The following DERL1 variants were observed in gnomAD, a reference collection of about 807,000 sequenced individuals.
DERL1 encodes the protein derlin 1.
Under a neutral mutation model 41.6 loss-of-function variants are expected in DERL1, and 24 were observed. The ratio of observed to expected loss-of-function variants is 0.58; its 90% CI spans 0.42 to 0.81. The LOEUF is 0.81. Among genes scored for constraint, DERL1 ranks in the 30% least tolerant of loss-of-function variants. The pLI is 0.00. For synonymous variants in DERL1, 124 were observed against 112.5 expected (o/e 1.10, Z -0.65); for missense variants, 260 against 314.3 (o/e 0.83, Z 1.31).
In DERL1 at chr8:123,019,375, A is replaced by T. The variant is rs538676842; in HGVS notation, c.507-70T>A. On this transcript the variant is annotated intron_variant, in intron 6 of 7. Transcript: ENST00000259512. ...GATGCACCAAGTTTTAACTAATAGC[A>T]TAAGGAAGAGAGCCTTCAAGGCAGC... The T allele has an allele frequency of 4.5e-6, 5 of 1,122,134 alleles. No homozygotes were observed. The East Asian group carries it at 1.2e-4, about 27-fold the overall frequency. 69.5% of individuals were successfully genotyped at this position (1,122,134 alleles called of 1,614,324 possible). A position where few individuals can be genotyped will look rare whatever the true frequency, so the allele number is the denominator to read the frequency against.
intron 1 of DERL1, among the ~76,000 whole-genome samples, chr8:123,037,862 T>C (rs989540871): frequency 2.0e-5 from 3 of 152,148 alleles, no homozygotes; most frequent in African/African-American, 4.8e-5. Flanking sequence ...TGAAGAAATA[T>C]AGCCATGCAG....
Position 123,041,995 on chromosome 8 carries a change from G to C in DERL1, c.128C>G (p.Pro43Arg). The C allele has an allele frequency of 6.2e-7, 1 of 1,613,276 alleles. No homozygotes were observed. ...LISPAYLFLW[P>R]EAFLYRFQIW... is the part of the protein sequence containing the mutation. ...CTGAAAGCGATAAAGGAAGGCTTCGGGCCAGAGGAAGAGGTAGGCCGGGCT... is the reference window on the plus strand; with the variant it reads ...CTGAAAGCGATAAAGGAAGGCTTCGCGCCAGAGGAAGAGGTAGGCCGGGCT... Residue 43 changes from proline to arginine, a missense_variant, in exon 1 of 8, where the codon CCC becomes CGC. Coordinates refer to ENST00000259512, the MANE Select transcript of DERL1 (RefSeq NM_024295.6).
chr8:123,030,046 C>G (rs935019052), intron 2 of DERL1, among the ~76,000 whole-genome samples: 3 of 138,020 alleles, frequency 2.2e-5, no homozygotes, highest in Non-Finnish European at 4.7e-5. Flanking sequence ...GGCAACGGAG[C>G]AAGATTGTCT....
In DERL1 at chr8:123,023,748, G is replaced by A. The variant is rs752564719; in HGVS notation, c.331-9C>T. The A allele has an allele frequency of 6.2e-7, 1 of 1,611,076 alleles. No individual in the cohort carries two copies. Among genetic ancestry groups the A allele is most frequent in the East Asian group, 2.2e-5 (1 of 44,642 alleles). On this transcript the variant is annotated splice_polypyrimidine_tract_variant and intron_variant, in intron 3 of 7. Transcript: ENST00000259512. Reference sequence around the variant, plus strand: ...ATTGCTAAGCCAGTAATCTTGGTTTGTAAAGTTAAAGATCAGACATAAAAA... The same window carrying A: ...ATTGCTAAGCCAGTAATCTTGGTTTATAAAGTTAAAGATCAGACATAAAAA...
intron 7 of DERL1, chr8:123,018,882 C>T (rs1010376297): frequency 5.7e-6 from 2 of 348,598 alleles, no homozygotes; most frequent in African/African-American, 4.3e-5. Context: ...TCTGCCCATT[C>T]ACCAGCCTAC....
At chr8:123,015,632 C>A in intron 7 of DERL1, 47 bp from the exon 8 acceptor site, 1 of 1,573,990 alleles carries the variant, frequency 6.4e-7, no homozygotes, top group South Asian at 1.2e-5. Context: ...AGAACAAAGT[C>A]ACTTCCACAT....
At chr8:123,021,299 A>G in intron 6 of DERL1, 148 bp downstream of exon 6, 2 of 721,150 alleles carry the variant, frequency 2.8e-6, no homozygotes, top group Non-Finnish European at 4.7e-6. Flanking sequence ...TAATCAATTC[A>G]ATCGAAGTGA....
intron 2 of DERL1, among the ~76,000 whole-genome samples, chr8:123,026,368 A>G (rs1462888466): frequency 1.3e-5 from 2 of 152,222 alleles, no homozygotes; most frequent in African/African-American, 2.4e-5. Flanking sequence ...TACTTAAAAT[A>G]TTGTAATCAT....
chr8:123,042,020 T>C lies in DERL1; in HGVS notation c.103A>G (p.Ser35Gly), dbSNP rs1258327778. 2 of 1,613,900 alleles carry C rather than the reference T, an allele frequency of 1.2e-6. No homozygotes were observed. The highest frequency in any genetic ancestry group is 3.3e-5 in the Admixed American group (2 of 60,000). Reference sequence around the variant, plus strand: ...GGCCAGAGGAAGAGGTAGGCCGGGCTGATGAGGCCGAGTTTGCCGACCAAG... The same window carrying C: ...GGCCAGAGGAAGAGGTAGGCCGGGCCGATGAGGCCGAGTTTGCCGACCAAG... ...VPLVGKLGLI[S>G]PAYLFLWPEA... The change falls in exon 1 of 8, where the codon AGC becomes GGC. Residue 35 changes from serine (S) to glycine (G), a missense_variant. Transcript: ENST00000259512.
rs113812174 is a variant in DERL1, at chr8:123,023,787, T to C, written c.331-48A>G. ...CAGACATAAAAAAGCATTCTGTACC[T>C]AGTCAAGACTGATGTGGTTATTTTC... On this transcript the variant is annotated intron_variant, in intron 3 of 7. Transcript: ENST00000259512. The C allele has an allele frequency of 2.5e-4, 393 of 1,585,574 alleles. 1 individual carries two copies. In the African/African-American group the frequency reaches 4.4e-3, roughly 18 times the overall value.
intron 1 of DERL1, among the ~76,000 whole-genome samples, chr8:123,040,980 T>C (rs1040326560): frequency 2.0e-5 from 3 of 151,992 alleles, no homozygotes; most frequent in African/African-American, 7.2e-5. Flanking sequence ...ACTGAAGATA[T>C]TTATATTTAT....
intron 6 of DERL1, among the ~76,000 whole-genome samples, chr8:123,020,603 T>C (rs1814735051): frequency 6.6e-6 from 1 of 151,982 alleles, no homozygotes; most frequent in Non-Finnish European, 1.5e-5. Context: ...TTCCTATGTC[T>C]AGCTCTAATT....
rs909134152 is a variant in DERL1, at chr8:123,015,769, G to A, written c.618-184C>T. ...TACTCAGCCCCATGACCTGACCACA[G>A]ACGGCATTCGTTTTTCATGTTTCTT... On this transcript the variant is annotated intron_variant, in intron 7 of 7. Coordinates refer to ENST00000259512, the MANE Select transcript of DERL1 (RefSeq NM_024295.6). 21 of 581,558 alleles carry A rather than the reference G, an allele frequency of 3.6e-5. 1 individual carries two copies. Among genetic ancestry groups the A allele is most frequent in the Middle Eastern group, 4.1e-4 (1 of 2,454 alleles). 36.0% of individuals were successfully genotyped at this position (581,558 alleles called of 1,614,324 possible). A position where few individuals can be genotyped will look rare whatever the true frequency, so the allele number is the denominator to read the frequency against.
At chr8:123,028,091 T>C (rs1812744017) in intron 2 of DERL1, among the ~76,000 whole-genome samples, 2 of 148,294 alleles carry the variant, frequency 1.3e-5, no homozygotes, top group African/African-American at 5.0e-5. Context: ...AAAGTGGCCA[T>C]GGAATTATTG....
chr8:123,034,572 A>G lies in DERL1; in HGVS notation c.154-3856T>C, dbSNP rs79119054. On this transcript the variant is annotated intron_variant, in intron 1 of 7. Transcript: ENST00000259512. ...GATGAGAAAAGGTTAAGTATCAGCC[A>G]GTAAGTGGTGAAGCTAGAATTTTAT... is the stretch of plus-strand genomic sequence containing the variant. Among the ~76,000 whole-genome samples, 796 of 152,346 alleles carry G rather than the reference A, an allele frequency of 5.2e-3. 5 individuals carry two copies. Among genetic ancestry groups the G allele is most frequent in the African/African-American group, 0.018 (761 of 41,574 alleles).
rs1456623436 is a variant in DERL1, at chr8:123,014,242, TCA to T, written c.*1203_*1204del. The T allele has an allele frequency of 1.3e-5, 2 of 152,672 alleles. No individual in the cohort carries two copies. Among genetic ancestry groups the T allele is most frequent in the African/African-American group, 2.4e-5 (1 of 41,462 alleles). The allele number at this position is 152,672 out of a possible 1,614,324, so 9.5% of individuals were successfully genotyped here. The stretch of plus-strand genomic sequence containing the variant: ...GTGTGGGTATTTAAGCTGGTCTGAT[TCA>T]CAGAGCTTGTACATTCATGACTCAA... On this transcript the variant is annotated 3_prime_UTR_variant, in exon 8 of 8. Coordinates refer to ENST00000259512, the MANE Select transcript of DERL1 (RefSeq NM_024295.6).
At chr8:123,018,866 T>A in intron 7 of DERL1, 1 of 327,656 alleles carries the variant, frequency 3.1e-6, no homozygotes. Context: ...CCCACTAACC[T>A]GTGACTCTGC....
At chr8:123,038,347 G>A (rs1812973750) in intron 1 of DERL1, among the ~76,000 whole-genome samples, 5 of 152,170 alleles carry the variant, frequency 3.3e-5, no homozygotes, top group Admixed American at 3.3e-4. Context: ...ATTTGCAAAT[G>A]AGTTCCTCCA....
At chr8:123,021,696 T>G (rs1812549982) in intron 5 of DERL1, among the ~76,000 whole-genome samples, 197 bp from the exon 6 acceptor site, 1 of 152,124 alleles carries the variant, frequency 6.6e-6, no homozygotes, top group Non-Finnish European at 1.5e-5. Flanking sequence ...CTAGACTTAA[T>G]TGTGTATTTG....
Sources: allele counts gnomAD v4.1 joint callset (sites outside exome capture counted in the v4.1 genomes callset), GRCh38; gene constraint gnomAD v4.1.1; transcripts MANE v1.5; gene names NCBI Gene and HGNC (gene_info 2026-07-23, HGNC 2026-07-21).